Variants in CACNA1E observed in about 807,000 individuals in gnomAD.
The protein encoded by CACNA1E is calcium voltage-gated channel subunit alpha1 E, also known as voltage-dependent R-type calcium channel subunit alpha-1E.
Under a neutral mutation model 259.2 loss-of-function variants are expected in CACNA1E, and 40 were observed. The observed-to-expected ratio is 0.15, with a 90% CI of 0.12 to 0.20. The LOEUF is 0.20. CACNA1E is among the 10% of genes least tolerant of loss of function. CACNA1E has a pLI of 1.00. For synonymous variants in CACNA1E, 1,104 were observed against 1,138.5 expected (o/e 0.97, Z 0.61); for missense variants, 1,874 against 3,040.1 (o/e 0.62, Z 9.02).
Position 181,798,391 on chromosome 1 carries a change from C to T in CACNA1E, c.6499C>T (p.Arg2167Trp), listed in dbSNP as rs763796830. 1.2e-6 allele frequency: 2 copies of T among 1,613,382 alleles called. No individual in the cohort carries two copies. The highest frequency in any genetic ancestry group is 1.7e-6 in the Non-Finnish European group (2 of 1,179,870). Residue 2167 changes from arginine (R) to tryptophan (W), a missense_variant, in exon 48 of 48, where the codon CGG (arginine) becomes TGG (tryptophan). Arg to Trp is a moderately radical substitution (Grantham distance 101). This residue lies in a region of CACNA1E where 542 missense variants were observed against 587.2 expected (regional missense o/e 0.92). Transcript: ENST00000367573. This position sits in a 1 kb window ranked among gnomAD's most constrained non-coding sequence, Gnocchi z 4.2. ...RQLPPVPPKP[R>W]PLLSYSSLIR... ...GCTCCCACCCGTCCCGCCAAAGCCC[C>T]GGCCCCTCCTTTCCTACAGCTCCCT...
chr1:181,497,742 C>T (rs1664888910), intron 1 of CACNA1E, among the ~76,000 whole-genome samples: 1 of 152,194 alleles, frequency 6.6e-6, no homozygotes, highest in Admixed American at 6.5e-5. Context: ...GGTACTCTTC[C>T]CTAACAGAGT....
intron 6 of CACNA1E, among the ~76,000 whole-genome samples, chr1:181,590,418 T>A (rs202210667): frequency 0.028 from 2,634 of 94,182 alleles, 35 homozygotes; most frequent in East Asian, 0.043. Flanking sequence ...AAAAAAAAAA[T>A]ATATATATAT....
Position 181,803,340 on chromosome 1 carries a change from C to A in CACNA1E, c.*4506C>A, listed in dbSNP as rs1662410518. The A allele has an allele frequency of 6.6e-6, 1 of 152,210 alleles. No homozygotes were observed. Among genetic ancestry groups the A allele is most frequent in the Admixed American group, 6.5e-5 (1 of 15,284 alleles). The allele number at this position is 152,210 out of a possible 1,614,324, so 9.4% of individuals were successfully genotyped here. A position where few individuals can be genotyped will look rare whatever the true frequency, so the allele number is the denominator to read the frequency against. ...AATCAGGTTCAGGTTTGGATAACTT[C>A]TCTTTAAAATATCTCCACATTGAGA... is the stretch of plus-strand genomic sequence containing the variant. On this transcript the variant is annotated 3_prime_UTR_variant, in exon 48 of 48. Transcript: ENST00000367573.
chr1:181,775,266 G>C lies in CACNA1E; in HGVS notation c.5140-835G>C, dbSNP rs144725981. ...CATCCCACTGAATCTCACTAACTTG[G>C]AACAGCCAAGAACCTGGGCCAGAAA... On this transcript the variant is annotated intron_variant, in intron 37 of 47. Transcript: ENST00000367573. Among the ~76,000 whole-genome samples, 1,019 of 152,256 alleles carry C rather than the reference G, an allele frequency of 6.7e-3. 8 individuals are homozygous for C. The highest frequency in any genetic ancestry group is 0.011 in the Non-Finnish European group (756 of 68,028).
chr1:181,393,795 G>C (rs1656464734), intron 1 of CACNA1E, among the ~76,000 whole-genome samples: 1 of 152,208 alleles, frequency 6.6e-6, no homozygotes, highest in Non-Finnish European at 1.5e-5. Context: ...GGGGCAGTGA[G>C]TACTCATCTG....
intron 26 of CACNA1E, among the ~76,000 whole-genome samples, chr1:181,750,994 G>A (rs754007965): frequency 2.0e-5 from 3 of 151,954 alleles, no homozygotes; most frequent in Non-Finnish European, 2.9e-5. Flanking sequence ...GGGGTAGGGG[G>A]GTAGGTATCG....
intron 2 of CACNA1E, among the ~76,000 whole-genome samples, chr1:181,442,920 C>T (rs1002906447): frequency 2.0e-5 from 3 of 152,146 alleles, no homozygotes; most frequent in African/African-American, 7.2e-5. Context: ...TGCAGACCAG[C>T]CTTGCTGTCA....
intron 1 of CACNA1E, among the ~76,000 whole-genome samples, chr1:181,330,796 A>C (rs916660615): frequency 1.3e-5 from 2 of 152,226 alleles, no homozygotes; most frequent in South Asian, 4.1e-4. Flanking sequence ...AAGTGGCTCC[A>C]TACAGTGACT....
chr1:181,757,790 C>T (rs1184931159), intron 30 of CACNA1E, among the ~76,000 whole-genome samples, 157 bp from the exon 31 acceptor site: 3 of 152,140 alleles, frequency 2.0e-5, no homozygotes, highest in Non-Finnish European at 4.4e-5. Flanking sequence ...GACGCCTTGT[C>T]TGTAGTTTTG....
chr1:181,596,056 T>G (rs1342251734), intron 6 of CACNA1E, among the ~76,000 whole-genome samples: 1 of 152,140 alleles, frequency 6.6e-6, no homozygotes, highest in Non-Finnish European at 1.5e-5. Flanking sequence ...TCTTGGGTGC[T>G]TTAGCAAGTG....
chr1:181,672,354 A>T (rs1162060603), intron 7 of CACNA1E, among the ~76,000 whole-genome samples: 2 of 152,254 alleles, frequency 1.3e-5, no homozygotes, highest in Admixed American at 1.3e-4. Context: ...TAACCTGTAC[A>T]TGTACCCCAA....
At chr1:181,358,554 G>A (rs1260272739) in intron 1 of CACNA1E, among the ~76,000 whole-genome samples, 2 of 152,176 alleles carry the variant, frequency 1.3e-5, no homozygotes, top group Admixed American at 6.5e-5. Context: ...TGTGGCTGGT[G>A]TTCTGATAAA....
chr1:181,645,417 G>T (rs1275599729), intron 6 of CACNA1E, among the ~76,000 whole-genome samples: 4 of 152,094 alleles, frequency 2.6e-5, no homozygotes, highest in African/African-American at 9.7e-5. Context: ...TTCTGAGAGG[G>T]CGTTCCCCAC....
chr1:181,366,638 C>T (rs956228478), intron 1 of CACNA1E, among the ~76,000 whole-genome samples: 14 of 152,074 alleles, frequency 9.2e-5, no homozygotes, highest in African/African-American at 2.9e-4. Context: ...GCTACGTGGC[C>T]GACTGCAATT....
At chr1:181,599,905 A>G (rs182791150) in intron 6 of CACNA1E, among the ~76,000 whole-genome samples, 1 of 152,306 alleles carries the variant, frequency 6.6e-6, no homozygotes, top group African/African-American at 2.4e-5. Flanking sequence ...GGAGTCAGGG[A>G]TATAGTGAAG....
chr1:181,400,586 G>A (rs1379053533), intron 1 of CACNA1E, among the ~76,000 whole-genome samples: 1 of 152,088 alleles, frequency 6.6e-6, no homozygotes, highest in Non-Finnish European at 1.5e-5. Flanking sequence ...CAAGCCTCGA[G>A]ACCCCTTTAG....
chr1:181,784,059 C>T (rs1351588369), intron 40 of CACNA1E, among the ~76,000 whole-genome samples: 1 of 152,020 alleles, frequency 6.6e-6, no homozygotes, highest in Admixed American at 6.6e-5. Flanking sequence ...ATTTATTGAC[C>T]AGAGGTTAAT....
chr1:181,498,850 TCTTCTGGGGCTTC>T (rs976931746), intron 1 of CACNA1E, among the ~76,000 whole-genome samples: 1 of 152,196 alleles, frequency 6.6e-6, no homozygotes, highest in Non-Finnish European at 1.5e-5. Flanking sequence ...CCCTTCTTTC[TCTTCTGGGGCTTC>T]CTCATCCTTA....
intron 3 of CACNA1E, among the ~76,000 whole-genome samples, chr1:181,567,945 A>G (rs1349419583): frequency 6.6e-6 from 1 of 151,954 alleles, no homozygotes; most frequent in African/African-American, 2.4e-5. Flanking sequence ...GTGTGTATAT[A>G]TATATACACA....
Sources: allele counts gnomAD v4.1 joint callset (sites outside exome capture counted in the v4.1 genomes callset), GRCh38; gene constraint gnomAD v4.1.1; regional missense constraint gnomAD v4.1.1; non-coding constraint Gnocchi (gnomAD v3.1); transcripts MANE v1.5; gene names NCBI Gene and HGNC (gene_info 2026-07-23, HGNC 2026-07-21).